The following BSCL2 variants were observed in gnomAD, a reference collection of about 807,000 sequenced individuals.
BSCL2 encodes BSCL2 lipid droplet biogenesis associated, seipin.
BSCL2 carries 41 observed loss-of-function variants against 57.4 expected under a neutral mutation model. The observed-to-expected ratio is 0.71, with a 90% CI of 0.56 to 0.93. BSCL2 has a LOEUF of 0.93. Among genes scored for constraint, BSCL2 ranks in the 40% least tolerant of loss-of-function variants. BSCL2 has a pLI of 0.00. For synonymous variants in BSCL2, 237 were observed against 227.3 expected (o/e 1.04, Z -0.38); for missense variants, 539 against 586.7 (o/e 0.92, Z 0.84).
chr11:62,691,348 T>G lies in BSCL2; in HGVS notation c.937A>C (p.Ile313Leu). Reference sequence around the variant, plus strand: ...CACTGCATGTAGCTGAAGAGCACGATGACGCTGAGGAAGGTGAAGTTGCTG... The same window carrying G: ...CACTGCATGTAGCTGAAGAGCACGAGGACGCTGAGGAAGGTGAAGTTGCTG... ...VASNFTFLSV[I>L]VLFSYMQWVW... Residue 313 changes from isoleucine (I) to leucine (L), a missense_variant, in exon 7 of 11, where the codon ATC (isoleucine) becomes CTC (leucine). Physicochemically the swap from Ile to Leu is conservative, Grantham distance 5. This residue lies in a region of BSCL2 where 248 missense variants were observed against 239.9 expected (regional missense o/e 1.03). Coordinates refer to ENST00000360796, the MANE Select transcript of BSCL2 (RefSeq NM_001122955.4). 6.2e-7 allele frequency: 1 copy of G among 1,614,182 alleles called. No homozygotes were observed. The highest frequency in any genetic ancestry group is 8.5e-7 in the Non-Finnish European group (1 of 1,180,034).
intron 3 of BSCL2, among the ~76,000 whole-genome samples, chr11:62,697,767 C>G (rs1179540778): frequency 6.7e-6 from 1 of 150,114 alleles, no homozygotes; most frequent in Non-Finnish European, 1.5e-5. Context: ...GCACTCCAGC[C>G]TGGGCAACAG....
upstream of BSCL2, chr11:62,708,490 C>A: frequency 8.2e-7 from 1 of 1,214,200 alleles, no homozygotes; most frequent in Non-Finnish European, 1.2e-6. Context: ...CTTTCCTTCA[C>A]TCCCTGAGGT....
At chr11:62,697,326 C>A (rs1440058936) in intron 3 of BSCL2, among the ~76,000 whole-genome samples, 1 of 141,038 alleles carries the variant, frequency 7.1e-6, no homozygotes, top group East Asian at 2.2e-4. Flanking sequence ...ACCCGGGAGG[C>A]GGAGCTTGCA....
chr11:62,693,822 T>C (rs1048127691), intron 4 of BSCL2, among the ~76,000 whole-genome samples: 12 of 141,778 alleles, frequency 8.5e-5, no homozygotes, highest in South Asian at 2.3e-4. Flanking sequence ...TCCTTTCTCT[T>C]TTTTTTTTTA....
chr11:62,702,644 C>T, intron 2 of BSCL2, 95 bp from the exon 3 acceptor site: 1 of 1,001,222 alleles, frequency 1.0e-6, no homozygotes, highest in Non-Finnish European at 1.5e-6. Context: ...CTGCCCTCCT[C>T]CCTTCTCTCA....
intron 6 of BSCL2, 150 bp from the exon 7 acceptor site, chr11:62,691,571 A>G: frequency 1.0e-6 from 1 of 961,688 alleles, no homozygotes; most frequent in Non-Finnish European, 1.6e-6. Flanking sequence ...CAGTTTCCAG[A>G]ACCTGCTATA....
At chr11:62,691,051 CA>C (rs751277687) in intron 8 of BSCL2, 23 bp downstream of exon 8, 2 of 1,614,064 alleles carry the variant, frequency 1.2e-6, no homozygotes, top group Admixed American at 1.7e-5. Context: ...CCCACCTCAA[CA>C]GCTCCCCAGC....
Position 62,705,127 on chromosome 11 carries a change from A to T in BSCL2, c.404+174T>A, listed in dbSNP as rs550595781. Reference sequence around the variant, plus strand: ...ATTCAGTAATCAGAGGTAGAACTAGAACCCTAGCCCTGGCAACCCAAATCT... The same window carrying T: ...ATTCAGTAATCAGAGGTAGAACTAGTACCCTAGCCCTGGCAACCCAAATCT... On this transcript the variant is annotated intron_variant, in intron 2 of 10. Coordinates refer to ENST00000360796, the MANE Select transcript of BSCL2 (RefSeq NM_001122955.4). Among the ~76,000 whole-genome samples the T allele has an allele frequency of 3.3e-5, 5 of 151,180 alleles. No homozygotes were observed. The East Asian group carries it at 7.8e-4, about 23-fold the overall frequency.
In BSCL2 at chr11:62,690,355, T is replaced by C; in HGVS notation, c.*12A>G. On this transcript the variant is annotated 3_prime_UTR_variant, in exon 11 of 11. Coordinates refer to ENST00000360796, the MANE Select transcript of BSCL2 (RefSeq NM_001122955.4). ...GGAAAGTGCTGGAATGTGAGGAGTC[T>C]GCCCCTTTTCTTCAGGAACTAGAGC... The C allele has an allele frequency of 6.2e-7, 1 of 1,613,874 alleles. No individual in the cohort carries two copies. The highest frequency in any genetic ancestry group is 8.5e-7 in the Non-Finnish European group (1 of 1,180,030).
intron 3 of BSCL2, among the ~76,000 whole-genome samples, chr11:62,700,895 G>A (rs1024940618): frequency 6.6e-6 from 1 of 151,816 alleles, no homozygotes; most frequent in Non-Finnish European, 1.5e-5. Context: ...GGAGGTTGCA[G>A]TGAAGTGAGA....
chr11:62,706,259 C>T, intron 1 of BSCL2: 1 of 1,098,190 alleles, frequency 9.1e-7, no homozygotes. Flanking sequence ...GCCGACTCAC[C>T]AGCCTCGCGC....
intron 1 of BSCL2, 134 bp downstream of exon 1, chr11:62,706,975 A>G (rs2083550611): frequency 1.3e-6 from 1 of 772,918 alleles, no homozygotes; most frequent in Non-Finnish European, 2.1e-6. Flanking sequence ...ATCTTTGCAC[A>G]CTGCTGCGGG....
chr11:62,701,725 G>C (rs532591338), intron 3 of BSCL2, among the ~76,000 whole-genome samples: 13 of 151,560 alleles, frequency 8.6e-5, no homozygotes, highest in Non-Finnish European at 1.5e-4. Context: ...CCAGCTACTC[G>C]GGAGGCTGAG....
At chr11:62,703,347 G>GTTT (rs541712297) in intron 2 of BSCL2, among the ~76,000 whole-genome samples, 15 of 68,782 alleles carry the variant, frequency 2.2e-4, no homozygotes, top group African/African-American at 3.2e-4. Flanking sequence ...ATGCATATAC[G>GTTT]TTTTTTTTTT....
chr11:62,708,643 C>T (rs1209749002), upstream of BSCL2: 1 of 1,610,966 alleles, frequency 6.2e-7, no homozygotes, highest in Admixed American at 1.7e-5. Flanking sequence ...CTTCAGAGGT[C>T]CTGGCTAACA....
intron 3 of BSCL2, among the ~76,000 whole-genome samples, chr11:62,700,500 G>A (rs751848407): frequency 6.6e-6 from 1 of 152,002 alleles, no homozygotes; most frequent in Non-Finnish European, 1.5e-5. Flanking sequence ...AATCAGCTAG[G>A]TATGGTGGCA....
intron 3 of BSCL2, 112 bp from the exon 4 acceptor site, chr11:62,694,823 C>T: frequency 7.6e-7 from 1 of 1,314,174 alleles, no homozygotes; most frequent in Non-Finnish European, 1.1e-6. Flanking sequence ...CAGCCACAAC[C>T]CTCTTGGGTA....
intron 2 of BSCL2, among the ~76,000 whole-genome samples, chr11:62,704,651 C>G (rs1160110398): frequency 6.6e-6 from 1 of 152,092 alleles, no homozygotes; most frequent in Admixed American, 6.6e-5. Flanking sequence ...ACTTGGGAGG[C>G]TGAGGCACGA....
chr11:62,708,438 G>T (rs777406376), upstream of BSCL2: 20 of 1,416,996 alleles, frequency 1.4e-5, no homozygotes, highest in Non-Finnish European at 1.8e-5. Context: ...GCCAGGCTGT[G>T]CTGTGCTGCA....
Sources: gnomAD v4.1 joint callset for allele counts (sites outside exome capture counted in the v4.1 genomes callset) on GRCh38, gnomAD v4.1.1 for gene constraint, gnomAD v4.1.1 regional missense constraint, MANE v1.5 for transcripts, NCBI Gene and HGNC (gene_info 2026-07-23, HGNC 2026-07-21) for gene names.